Variants in SHROOM3 observed in about 807,000 individuals in gnomAD.
SHROOM3 encodes the protein shroom family member 3.
In SHROOM3, 47 loss-of-function variants were observed where a neutral mutation model predicts 138.6. The observed-to-expected ratio is 0.34, with a 90% CI of 0.27 to 0.43. SHROOM3 has a LOEUF of 0.43. Among genes scored for constraint, SHROOM3 ranks in the 20% least tolerant of loss-of-function variants. The pLI is 1.00. For synonymous variants in SHROOM3, 1,062 were observed against 1,063.3 expected (o/e 1.00, Z 0.02); for missense variants, 2,491 against 2,596.5 (o/e 0.96, Z 0.88).
chr4:76,599,614 G>A (rs1236745728), intron 2 of SHROOM3, among the ~76,000 whole-genome samples: 6 of 152,268 alleles, frequency 3.9e-5, no homozygotes, highest in South Asian at 2.1e-4. Context: ...TCATCATGAC[G>A]GTGTCCTAGC....
chr4:76,463,856 GT>G (rs1731192600), intron 1 of SHROOM3, among the ~76,000 whole-genome samples: 1 of 152,268 alleles, frequency 6.6e-6, no homozygotes, highest in Non-Finnish European at 1.5e-5. Context: ...GAGGGCAAGT[GT>G]TAATGCTTGA....
At chr4:76,777,159 T>C (rs1210947012) in intron 10 of SHROOM3, among the ~76,000 whole-genome samples, 2 of 152,204 alleles carry the variant, frequency 1.3e-5, no homozygotes, top group Non-Finnish European at 2.9e-5. Context: ...TTGATGGGAA[T>C]TGCATTGAAT....
At position 76,716,530 on chromosome 4, in the gene SHROOM3, A is replaced by G. The variant is rs145334488; in HGVS notation, c.455+6243A>G. The G allele has an allele frequency of 1.1e-3, 465 of 436,754 alleles. 2 individuals carry two copies. Among genetic ancestry groups the G allele is most frequent in the African/African-American group, 8.5e-3 (422 of 49,434 alleles). The allele number at this position is 436,754 out of a possible 1,614,324, so 27.1% of individuals were successfully genotyped here. On this transcript the variant is annotated intron_variant, in intron 3 of 10. Coordinates refer to ENST00000296043, the MANE Select transcript of SHROOM3 (RefSeq NM_020859.4). ...CTATATCTGTTTATAAAGAAAAATAACCAACTGCCTGTTAGGTTTAAACCT... is the reference window on the plus strand; with the variant it reads ...CTATATCTGTTTATAAAGAAAAATAGCCAACTGCCTGTTAGGTTTAAACCT...
At chr4:76,706,656 C>T (rs1183075241) in intron 2 of SHROOM3, among the ~76,000 whole-genome samples, 1 of 152,092 alleles carries the variant, frequency 6.6e-6, no homozygotes, top group Non-Finnish European at 1.5e-5. Context: ...TAAGAGGACC[C>T]ACGTAGTTCA....
intron 1 of SHROOM3, among the ~76,000 whole-genome samples, chr4:76,451,538 G>T (rs1484060899): frequency 6.6e-6 from 1 of 152,266 alleles, no homozygotes; most frequent in Non-Finnish European, 1.5e-5. Flanking sequence ...GATGATGTGC[G>T]CTAGTGCCCT....
intron 2 of SHROOM3, among the ~76,000 whole-genome samples, chr4:76,581,465 A>G (rs897116485): frequency 1.3e-5 from 2 of 152,184 alleles, no homozygotes; most frequent in South Asian, 4.1e-4. Flanking sequence ...ATTATACTGG[A>G]CAGGCATTGT....
intron 2 of SHROOM3, among the ~76,000 whole-genome samples, chr4:76,614,698 G>A (rs1734836865): frequency 6.6e-6 from 1 of 152,106 alleles, no homozygotes; most frequent in Admixed American, 6.5e-5. Context: ...TTCTTATGAT[G>A]AAGGAATGCA....
At chr4:76,504,262 A>C (rs540867204) in intron 1 of SHROOM3, among the ~76,000 whole-genome samples, 1 of 152,102 alleles carries the variant, frequency 6.6e-6, no homozygotes, top group South Asian at 2.1e-4. Flanking sequence ...AGGTACAAGC[A>C]ATTCTCCTGT....
chr4:76,555,476 T>C, intron 1 of SHROOM3, 133 bp from the exon 2 acceptor site: 1 of 1,327,508 alleles, frequency 7.5e-7, no homozygotes, highest in Non-Finnish European at 1.0e-6. Context: ...TCCCTCTGGC[T>C]GCAAGCGCTG....
At chr4:76,772,134 C>T (rs1197412219) in intron 10 of SHROOM3, among the ~76,000 whole-genome samples, 1 of 142,162 alleles carries the variant, frequency 7.0e-6, no homozygotes, top group African/African-American at 2.6e-5. Flanking sequence ...GACAGAGTCT[C>T]ACTCCGTCAC....
intron 1 of SHROOM3, among the ~76,000 whole-genome samples, chr4:76,468,274 G>C (rs1731288887): frequency 6.6e-6 from 1 of 152,216 alleles, no homozygotes; most frequent in Non-Finnish European, 1.5e-5. Flanking sequence ...CCTACAGAGA[G>C]AGTATCTTGG....
chr4:76,578,553 C>T (rs2110042144), intron 2 of SHROOM3, among the ~76,000 whole-genome samples: 1 of 152,306 alleles, frequency 6.6e-6, no homozygotes, highest in East Asian at 1.9e-4. Context: ...TTCTTTCAGA[C>T]TTGATGCAAC....
intron 2 of SHROOM3, among the ~76,000 whole-genome samples, chr4:76,657,218 C>T (rs1348316207): frequency 6.6e-6 from 1 of 151,700 alleles, no homozygotes; most frequent in Non-Finnish European, 1.5e-5. Context: ...TATATATATA[C>T]ACATATTCAT....
At chr4:76,602,730 G>A (rs1269680599) in intron 2 of SHROOM3, among the ~76,000 whole-genome samples, 4 of 152,098 alleles carry the variant, frequency 2.6e-5, no homozygotes, top group African/African-American at 7.2e-5. Context: ...GTATAAATAC[G>A]ACAGAAGAGT....
At chr4:76,609,435 A>C (rs952999384) in intron 2 of SHROOM3, among the ~76,000 whole-genome samples, 3 of 152,178 alleles carry the variant, frequency 2.0e-5, no homozygotes, top group Non-Finnish European at 2.9e-5. Flanking sequence ...GATTTATGCC[A>C]CCATGCCCAG....
intron 2 of SHROOM3, among the ~76,000 whole-genome samples, chr4:76,674,282 T>C (rs1190007160): frequency 6.6e-6 from 1 of 152,224 alleles, no homozygotes; most frequent in Non-Finnish European, 1.5e-5. Context: ...ATTTTTAATA[T>C]AAGAGATACC....
intron 1 of SHROOM3, among the ~76,000 whole-genome samples, chr4:76,449,656 C>T (rs893887382): frequency 5.9e-5 from 9 of 152,140 alleles, no homozygotes; most frequent in East Asian, 1.9e-4. Context: ...AGTAGCTTCA[C>T]GTGACAGCCA....
intron 3 of SHROOM3, among the ~76,000 whole-genome samples, chr4:76,730,204 T>G (rs1480481461): frequency 6.6e-6 from 1 of 152,244 alleles, no homozygotes; most frequent in African/African-American, 2.4e-5. Flanking sequence ...AAAGTTGAAG[T>G]CATTGACTTG....
intron 2 of SHROOM3, among the ~76,000 whole-genome samples, chr4:76,669,612 A>G (rs1490926054): frequency 6.6e-6 from 1 of 152,210 alleles, no homozygotes; most frequent in Non-Finnish European, 1.5e-5. Context: ...CTCAAAAAAA[A>G]AAAAAGAATC....
Sources: allele counts gnomAD v4.1 joint callset (sites outside exome capture counted in the v4.1 genomes callset), GRCh38; gene constraint gnomAD v4.1.1; transcripts MANE v1.5; gene names NCBI Gene and HGNC (gene_info 2026-07-23, HGNC 2026-07-21).